MELK: variants seen among roughly 807,000 people sequenced by gnomAD.
MELK encodes pEg3 kinase.
A neutral mutation model predicts 85.0 loss-of-function variants in MELK; 81 were observed. That is an observed-to-expected ratio of 0.95 (90% CI 0.80 to 1.15). The LOEUF (loss-of-function observed/expected upper bound fraction) is 1.15, where lower values mean the gene tolerates loss of function less well. Ranked by LOEUF, MELK falls within the 50% of genes most tolerant of loss-of-function variation. The pLI, the probability that MELK is intolerant of heterozygous loss-of-function variation, is 0.00. For missense variants in MELK, 754 were observed against 777.5 expected (o/e 0.97, Z 0.36); for synonymous variants, 252 against 265.0 (o/e 0.95, Z 0.48).
At chr9:36,611,755 T>C (rs182147023) in intron 8 of MELK, among the ~76,000 whole-genome samples, 19 of 137,886 alleles carry the variant, frequency 1.4e-4, no homozygotes, top group African/African-American at 5.2e-4. Context: ...AATGTAGCTA[T>C]TATTATTATT....
At chr9:36,636,064 G>A (rs1829107308) in intron 10 of MELK, among the ~76,000 whole-genome samples, 1 of 151,934 alleles carries the variant, frequency 6.6e-6, no homozygotes, top group Non-Finnish European at 1.5e-5. Flanking sequence ...TGGGATTACA[G>A]GCGTGAGCCA....
At chr9:36,656,661 T>C (rs946213994) in intron 12 of MELK, among the ~76,000 whole-genome samples, 9 of 152,208 alleles carry the variant, frequency 5.9e-5, no homozygotes, top group African/African-American at 2.2e-4. Flanking sequence ...AGAGTCTCGC[T>C]GTATTACCCA....
At chr9:36,595,297 G>A (rs1450596048) in intron 5 of MELK, among the ~76,000 whole-genome samples, 3 of 152,050 alleles carry the variant, frequency 2.0e-5, no homozygotes, top group East Asian at 1.9e-4. Context: ...CACAACACCC[G>A]GCTAATTTTT....
intron 8 of MELK, among the ~76,000 whole-genome samples, chr9:36,621,265 C>T (rs1273929815): frequency 1.3e-5 from 1 of 75,738 alleles, no homozygotes. Flanking sequence ...GAGTGAGACT[C>T]TGTCTCAGGG....
At chr9:36,616,852 G>T (rs1826883448) in intron 8 of MELK, among the ~76,000 whole-genome samples, 3 of 136,962 alleles carry the variant, frequency 2.2e-5, no homozygotes, top group African/African-American at 2.7e-5. Context: ...TTACACAGAT[G>T]GTAGCATACC....
At chr9:36,583,883 G>C (rs1822532165) in intron 3 of MELK, among the ~76,000 whole-genome samples, 171 bp downstream of exon 3, 1 of 152,174 alleles carries the variant, frequency 6.6e-6, no homozygotes, top group African/African-American at 2.4e-5. Flanking sequence ...GGATTACTTT[G>C]TTCTTCAGAT....
intron 11 of MELK, among the ~76,000 whole-genome samples, chr9:36,645,320 A>G (rs747246357): frequency 6.2e-5 from 9 of 144,292 alleles, no homozygotes; most frequent in Admixed American, 4.7e-4. Context: ...AGTCTTTAAA[A>G]TGGTATCTTT....
At chr9:36,601,820 A>G (rs758739774) in intron 7 of MELK, among the ~76,000 whole-genome samples, 17 of 152,158 alleles carry the variant, frequency 1.1e-4, no homozygotes, top group Non-Finnish European at 2.1e-4. Context: ...GAATCATACA[A>G]TATTTGTCTT....
chr9:36,639,360 CAA>C (rs1474666858), intron 10 of MELK, among the ~76,000 whole-genome samples: 1 of 152,106 alleles, frequency 6.6e-6, no homozygotes, highest in African/African-American at 2.4e-5. Context: ...TGTGTTTCAT[CAA>C]GAGTGAACTA....
intron 14 of MELK, among the ~76,000 whole-genome samples, chr9:36,666,611 G>A (rs1469333172): frequency 6.6e-6 from 1 of 152,096 alleles, no homozygotes; most frequent in Non-Finnish European, 1.5e-5. Flanking sequence ...CCTAAACTCT[G>A]GAGCATTGCC....
intron 2 of MELK, among the ~76,000 whole-genome samples, chr9:36,582,534 C>A (rs1822365589): frequency 6.6e-6 from 1 of 152,032 alleles, no homozygotes; most frequent in Admixed American, 6.6e-5. Context: ...TATGTACACA[C>A]CTATGTGTGT....
intron 13 of MELK, among the ~76,000 whole-genome samples, chr9:36,664,142 G>A (rs1317764475): frequency 1.3e-5 from 2 of 151,874 alleles, no homozygotes; most frequent in Admixed American, 6.6e-5. Flanking sequence ...TTTTTATCAT[G>A]TTTTTATTTC....
chr9:36,672,875 A>T (rs1833007261), intron 16 of MELK, among the ~76,000 whole-genome samples: 4 of 152,208 alleles, frequency 2.6e-5, no homozygotes. Flanking sequence ...CAGTCCTAAG[A>T]TTGAAAACTT....
intron 8 of MELK, among the ~76,000 whole-genome samples, chr9:36,609,127 G>T (rs1825846258): frequency 6.6e-6 from 1 of 152,162 alleles, no homozygotes; most frequent in Admixed American, 6.6e-5. Flanking sequence ...CTTGGGGTTA[G>T]GGGTGGAGAG....
At chr9:36,590,596 A>G (rs1036696510) in intron 4 of MELK, among the ~76,000 whole-genome samples, 3 of 152,148 alleles carry the variant, frequency 2.0e-5, no homozygotes, top group African/African-American at 7.2e-5. Flanking sequence ...AACCCCCAGC[A>G]CTGGGTAGCT....
intron 10 of MELK, among the ~76,000 whole-genome samples, chr9:36,641,650 C>T (rs1000228914): frequency 6.7e-6 from 1 of 149,122 alleles, no homozygotes; most frequent in African/African-American, 2.5e-5. Context: ...TGTTGTTGCC[C>T]AGCCTGGAGT....
At chr9:36,632,496 A>G (rs534819051) in intron 9 of MELK, among the ~76,000 whole-genome samples, 1 of 152,132 alleles carries the variant, frequency 6.6e-6, no homozygotes, top group Admixed American at 6.5e-5. Flanking sequence ...CTATTAAGTC[A>G]TCTCCATCTT....
intron 1 of MELK, among the ~76,000 whole-genome samples, chr9:36,580,108 C>T (rs1013098704): frequency 3.4e-5 from 5 of 145,002 alleles, no homozygotes; most frequent in African/African-American, 1.0e-4. Context: ...AGTGCAGTGG[C>T]GTGATCTCGG....
In MELK at chr9:36,671,887, GA is replaced by G. The variant is rs1832922350; in HGVS notation, c.1674+722del. ...GGACGAATGAGACAGCCCATTCCTT[GA>G]GGAACTCTTAGGCTGGCTGTGAAAA... On this transcript the variant is annotated intron_variant, in intron 16 of 17. Transcript: ENST00000298048. Among the ~76,000 whole-genome samples, 4 of 152,208 alleles carry G rather than the reference GA, an allele frequency of 2.6e-5. No homozygotes were observed. In the South Asian group the frequency reaches 8.3e-4, roughly 31 times the overall value.
Sources: gnomAD v4.1 joint callset for allele counts (sites outside exome capture counted in the v4.1 genomes callset) on GRCh38, gnomAD v4.1.1 for gene constraint, MANE v1.5 for transcripts, NCBI Gene and HGNC (gene_info 2026-07-23, HGNC 2026-07-21) for gene names.